The following UCK2 variants were observed in gnomAD, a reference collection of about 807,000 sequenced individuals.
UCK2 encodes the protein uridine-cytidine kinase 2.
Under a neutral mutation model 30.8 loss-of-function variants are expected in UCK2, and 6 were observed. The observed-to-expected ratio is 0.19, with a 90% CI of 0.11 to 0.38. The LOEUF is 0.38. UCK2 is among the 10% of genes least tolerant of loss of function. The probability of loss-of-function intolerance (pLI) is 1.00; values close to 1 mark genes in which losing one functional copy is unlikely to be tolerated. For missense variants in UCK2, 210 were observed against 339.8 expected (o/e 0.62, Z 3.00); for synonymous variants, 125 against 133.6 (o/e 0.94, Z 0.45).
intron 1 of UCK2, among the ~76,000 whole-genome samples, chr1:165,855,786 G>A (rs1254885153): frequency 6.6e-6 from 1 of 152,188 alleles, no homozygotes; most frequent in Non-Finnish European, 1.5e-5. Flanking sequence ...GGTGTGCATC[G>A]TCACAGAGCC....
intron 1 of UCK2, among the ~76,000 whole-genome samples, chr1:165,871,322 A>G (rs1655191620): frequency 6.6e-6 from 1 of 152,120 alleles, no homozygotes; most frequent in African/African-American, 2.4e-5. Flanking sequence ...TCTGGGTTGT[A>G]CTCCAGACTT....
intron 1 of UCK2, among the ~76,000 whole-genome samples, chr1:165,829,381 C>G (rs1366847844): frequency 6.6e-6 from 1 of 152,212 alleles, no homozygotes; most frequent in Non-Finnish European, 1.5e-5. Flanking sequence ...TATTCTTGCT[C>G]TTCTGGCATA....
intron 4 of UCK2, among the ~76,000 whole-genome samples, chr1:165,898,803 G>T (rs984243829): frequency 6.6e-6 from 1 of 152,202 alleles, no homozygotes; most frequent in Admixed American, 6.5e-5. Flanking sequence ...CTGGCCCTCT[G>T]GGGGTTTCTT....
intron 1 of UCK2, among the ~76,000 whole-genome samples, chr1:165,828,218 G>C (rs1204969839): frequency 6.6e-6 from 1 of 152,182 alleles, no homozygotes; most frequent in Non-Finnish European, 1.5e-5. Context: ...TCGTGGCCGG[G>C]GTCCTATGGG....
At chr1:165,864,622 T>C (rs977218075) in intron 1 of UCK2, among the ~76,000 whole-genome samples, 7 of 152,234 alleles carry the variant, frequency 4.6e-5, no homozygotes, top group African/African-American at 1.4e-4. Context: ...CTTACATATA[T>C]AAGTAAGGTT....
At chr1:165,897,846 T>C (rs901529881) in intron 4 of UCK2, 5 of 152,156 alleles carry the variant, frequency 3.3e-5, no homozygotes, top group African/African-American at 1.2e-4. Context: ...GTTAGTTTTG[T>C]GTGATGGAAA....
chr1:165,867,835 ACCT>A (rs1247134031), intron 1 of UCK2, among the ~76,000 whole-genome samples: 3 of 151,752 alleles, frequency 2.0e-5, no homozygotes, highest in African/African-American at 7.3e-5. Context: ...TGATATTTTC[ACCT>A]CCTCCAATGA....
intron 1 of UCK2, among the ~76,000 whole-genome samples, chr1:165,838,372 A>G (rs888020125): frequency 6.6e-6 from 1 of 152,234 alleles, no homozygotes; most frequent in Non-Finnish European, 1.5e-5. Flanking sequence ...GGAGGGCCCT[A>G]GAAATGCATC....
At chr1:165,887,853 A>G (rs1380583617) in intron 1 of UCK2, among the ~76,000 whole-genome samples, 1 of 152,012 alleles carries the variant, frequency 6.6e-6, no homozygotes, top group Non-Finnish European at 1.5e-5. Context: ...TTATCATATG[A>G]AAGTTTTACT....
intron 1 of UCK2, among the ~76,000 whole-genome samples, chr1:165,852,477 C>G (rs1027409623): frequency 6.6e-6 from 1 of 152,194 alleles, no homozygotes; most frequent in African/African-American, 2.4e-5. Context: ...CTCAACAACA[C>G]TGATCATCAG....
chr1:165,831,132 C>T (rs1162708350), intron 1 of UCK2, among the ~76,000 whole-genome samples: 1 of 151,790 alleles, frequency 6.6e-6, no homozygotes, highest in East Asian at 1.9e-4. Context: ...AAGGTTATGG[C>T]TGAGTACGGT....
At chr1:165,828,848 A>G (rs1653966227) in intron 1 of UCK2, among the ~76,000 whole-genome samples, 1 of 152,124 alleles carries the variant, frequency 6.6e-6, no homozygotes. Context: ...ACAGCCTTTA[A>G]GATGTGGCTA....
chr1:165,842,934 A>G (rs1182899965), intron 1 of UCK2, among the ~76,000 whole-genome samples: 1 of 152,084 alleles, frequency 6.6e-6, no homozygotes, highest in Non-Finnish European at 1.5e-5. Flanking sequence ...GCTCACCTCC[A>G]CACTAGTGCA....
intron 6 of UCK2, 123 bp from the exon 7 acceptor site, chr1:165,907,561 G>A: frequency 7.4e-7 from 1 of 1,359,220 alleles, no homozygotes; most frequent in Non-Finnish European, 1.0e-6. Flanking sequence ...GCAAGTGGCA[G>A]AGCCACTTCC....
intron 1 of UCK2, among the ~76,000 whole-genome samples, chr1:165,839,084 A>T (rs1245285757): frequency 6.6e-6 from 1 of 152,148 alleles, no homozygotes; most frequent in East Asian, 1.9e-4. Flanking sequence ...GAGTGACTTT[A>T]ACTTAAACTT....
At chr1:165,892,336 G>A (rs1655792390) in intron 3 of UCK2, among the ~76,000 whole-genome samples, 1 of 151,932 alleles carries the variant, frequency 6.6e-6, no homozygotes. Flanking sequence ...CTGGGAGAGT[G>A]AAGGCCTGGA....
At chr1:165,874,696 A>AT (rs11410048) in intron 1 of UCK2, among the ~76,000 whole-genome samples, 1,972 of 150,136 alleles carry the variant, frequency 0.013, 19 homozygotes, top group Middle Eastern at 0.038. Context: ...AAACAGGAAG[A>AT]TTTTTTTTTT....
intron 1 of UCK2, among the ~76,000 whole-genome samples, chr1:165,869,148 G>T (rs971438343): frequency 6.6e-6 from 1 of 152,076 alleles, no homozygotes; most frequent in Non-Finnish European, 1.5e-5. Flanking sequence ...CGTGGTTGGT[G>T]GCACCCCGAA....
intron 1 of UCK2, among the ~76,000 whole-genome samples, chr1:165,850,917 TG>T (rs1035614731): frequency 1.4e-5 from 2 of 145,458 alleles, no homozygotes; most frequent in Non-Finnish European, 3.0e-5. Flanking sequence ...CCACCACGCC[TG>T]GCCTTTAAAT....
Sources: allele counts gnomAD v4.1 joint callset (sites outside exome capture counted in the v4.1 genomes callset), GRCh38; gene constraint gnomAD v4.1.1; transcripts MANE v1.5; gene names NCBI Gene and HGNC (gene_info 2026-07-23, HGNC 2026-07-21).